Variants in PCDHA12 observed in about 807,000 individuals in gnomAD.
The protein encoded by PCDHA12 is protocadherin alpha 12, also known as protocadherin alpha-12.
A neutral mutation model predicts 60.0 loss-of-function variants in PCDHA12; 44 were observed. The ratio of observed to expected loss-of-function variants is 0.73; its 90% CI spans 0.58 to 0.94. PCDHA12 has a LOEUF of 0.94. PCDHA12 is among the 40% of genes least tolerant of loss of function. The probability of loss-of-function intolerance (pLI) is 0.00; values close to 1 mark genes in which losing one functional copy is unlikely to be tolerated. For missense variants in PCDHA12, 1,276 were observed against 1,239.7 expected, an observed-to-expected ratio of 1.03 and a Z score of -0.44; for synonymous variants, 569 against 553.0, an observed-to-expected ratio of 1.03 and a Z score of -0.40.
At position 140,876,454 on chromosome 5, in the gene PCDHA12, C is replaced by A; in HGVS notation, c.982C>A (p.Pro328Thr). The change falls in exon 1 of 4, where the codon CCT becomes ACT. Residue 328 changes from proline to threonine, a missense_variant. Pro to Thr is a conservative substitution (Grantham distance 38, BLOSUM62 -1). Transcript: ENST00000398631. ...GGTTAACGCCATTGATAAAGGGATT[C>A]CTTCCATGGCAGGTCACAGCATGGT... Reference protein sequence around the residue: ...IQVNAIDKGIPSMAGHSMVLV... With the variant: ...IQVNAIDKGITSMAGHSMVLV... 1.2e-6 allele frequency: 2 copies of A among 1,613,996 alleles called. No homozygotes were observed. The highest frequency in any genetic ancestry group is 1.7e-6 in the Non-Finnish European group (2 of 1,179,906).
chr5:140,876,970 G>T lies in PCDHA12; in HGVS notation c.1498G>T (p.Gly500Cys), dbSNP rs1554169165. ...CTACTCGCTGGTGGAGCGGCGGGTG[G>T]GCGAGCACGCACTGTCGAGCTACGT... ...VSYSLVERRV[G>C]EHALSSYVSV... The change falls in exon 1 of 4, where the codon GGC becomes TGC. Residue 500 changes from glycine to cysteine, a missense_variant. Physicochemically the swap from Gly to Cys is radical, Grantham distance 159. Coordinates refer to ENST00000398631, the MANE Select transcript of PCDHA12 (RefSeq NM_018903.4). The T allele has an allele frequency of 6.2e-7, 1 of 1,612,850 alleles. No homozygotes were observed. The highest frequency in any genetic ancestry group is 2.2e-5 in the East Asian group (1 of 44,882).
intron 1 of PCDHA12, chr5:140,926,715 G>C (rs114961630): frequency 2.1e-6 from 2 of 952,238 alleles, no homozygotes; most frequent in Non-Finnish European, 1.4e-6. Flanking sequence ...GGCCAGCCCC[G>C]GCAATGCCGG....
At chr5:140,941,221 T>TTCTTTCTTTCTTTCTTTCTTTCTC (rs2092905955) in intron 1 of PCDHA12, among the ~76,000 whole-genome samples, 1 of 131,536 alleles carries the variant, frequency 7.6e-6, no homozygotes, top group Admixed American at 7.9e-5. Context: ...CTTCCTTTCT[T>TTCTTTCTTTCTTTCTTTCTTTCTC]TCTTTCTTTC....
At chr5:141,008,410 A>G (rs782459591) in intron 3 of PCDHA12, among the ~76,000 whole-genome samples, 33 of 152,184 alleles carry the variant, frequency 2.2e-4, no homozygotes, top group Non-Finnish European at 3.7e-4. Context: ...TTCCAATGTC[A>G]TGGCCACTGG....
chr5:140,888,287 C>T (rs1371852276), intron 1 of PCDHA12, among the ~76,000 whole-genome samples: 1 of 152,072 alleles, frequency 6.6e-6, no homozygotes, highest in African/African-American at 2.4e-5. Flanking sequence ...CCCCTCTACC[C>T]CCTACCCAGG....
chr5:140,884,514 C>A (rs368331245), intron 1 of PCDHA12: 13 of 1,614,176 alleles, frequency 8.1e-6, no homozygotes, highest in East Asian at 2.2e-5. Context: ...GGGAGTTGGT[C>A]GTACTCGCAG....
chr5:140,881,555 A>G (rs2058748140), intron 1 of PCDHA12, among the ~76,000 whole-genome samples: 2 of 152,236 alleles, frequency 1.3e-5, no homozygotes, highest in South Asian at 2.1e-4. Context: ...TTGAATATAA[A>G]TATCTTATCT....
At chr5:140,965,288 T>C (rs1020237812) in intron 1 of PCDHA12, among the ~76,000 whole-genome samples, 5 of 152,216 alleles carry the variant, frequency 3.3e-5, no homozygotes, top group Non-Finnish European at 7.3e-5. Flanking sequence ...CATGGAAAGA[T>C]TTCCTCTGAT....
intron 1 of PCDHA12, among the ~76,000 whole-genome samples, chr5:140,943,664 T>G (rs1404337303): frequency 6.6e-6 from 1 of 151,998 alleles, no homozygotes; most frequent in Non-Finnish European, 1.5e-5. Flanking sequence ...GAACAATGTA[T>G]AAAGTGTGAA....
intron 3 of PCDHA12, among the ~76,000 whole-genome samples, chr5:140,995,361 G>C (rs567350687): frequency 1.1e-3 from 168 of 152,090 alleles, no homozygotes; most frequent in African/African-American, 3.4e-3. Flanking sequence ...TCGGACAGAG[G>C]GATGATTCAC....
intron 1 of PCDHA12, among the ~76,000 whole-genome samples, chr5:140,904,121 T>G (rs1554191284): frequency 6.6e-6 from 1 of 152,194 alleles, no homozygotes; most frequent in Non-Finnish European, 1.5e-5. Flanking sequence ...GAGATTTTGG[T>G]GCACCCATCA....
At chr5:140,995,608 C>G (rs543938511) in intron 3 of PCDHA12, among the ~76,000 whole-genome samples, 1 of 152,206 alleles carries the variant, frequency 6.6e-6, no homozygotes, top group East Asian at 1.9e-4. Flanking sequence ...TTTCTTCTCC[C>G]AAACCAAATA....
intron 1 of PCDHA12, among the ~76,000 whole-genome samples, chr5:140,879,850 T>C (rs935829286): frequency 3.3e-5 from 5 of 152,230 alleles, no homozygotes; most frequent in Non-Finnish European, 5.9e-5. Flanking sequence ...CACTCCCATC[T>C]CAGCCTTCTC....
chr5:140,936,710 A>G (rs2091103513), intron 1 of PCDHA12, among the ~76,000 whole-genome samples: 1 of 152,216 alleles, frequency 6.6e-6, no homozygotes. Flanking sequence ...TTCTTGTGCC[A>G]ATACATTCTG....
chr5:140,888,764 T>A (rs74654123), intron 1 of PCDHA12, among the ~76,000 whole-genome samples: 4 of 152,186 alleles, frequency 2.6e-5, no homozygotes, highest in East Asian at 3.9e-4. Context: ...CTTTTTTTTT[T>A]AATTTTGAAG....
At chr5:140,990,542 C>T (rs2097399330) in intron 3 of PCDHA12, among the ~76,000 whole-genome samples, 1 of 152,180 alleles carries the variant, frequency 6.6e-6, no homozygotes, top group South Asian at 2.1e-4. Context: ...ATCATAGATA[C>T]TGTATTACCC....
At chr5:140,969,501 A>G (rs2096338220) in intron 1 of PCDHA12, 20 of 1,431,968 alleles carry the variant, frequency 1.4e-5, no homozygotes, top group Non-Finnish European at 1.9e-5. Context: ...CTCTCTAGAA[A>G]AATAGCACTA....
chr5:140,966,886 G>T, intron 1 of PCDHA12: 1 of 1,592,132 alleles, frequency 6.3e-7, no homozygotes. Context: ...CTGGCCCTGC[G>T]GCCTCCCAGC....
chr5:140,926,793 G>T (rs2083556626), intron 1 of PCDHA12: 2 of 1,444,034 alleles, frequency 1.4e-6, no homozygotes, highest in Admixed American at 5.5e-5. Flanking sequence ...CGGCAGGAGC[G>T]TGCTCTTCCC....
Sources: gnomAD v4.1 joint callset for allele counts (sites outside exome capture counted in the v4.1 genomes callset) on GRCh38, gnomAD v4.1.1 for gene constraint, MANE v1.5 for transcripts, NCBI Gene and HGNC (gene_info 2026-07-23, HGNC 2026-07-21) for gene names.